CHD9: variants seen among roughly 807,000 people sequenced by gnomAD.
CHD9 encodes ATP-dependent chromatin remodeler CHD9.
CHD9 carries 77 observed loss-of-function variants against 316.1 expected under a neutral mutation model. The ratio of observed to expected loss-of-function variants is 0.24; its 90% CI spans 0.20 to 0.29. The LOEUF (loss-of-function observed/expected upper bound fraction) is 0.29, where lower values mean the gene tolerates loss of function less well. CHD9 is among the 10% of genes least tolerant of loss of function. The pLI is 1.00. For missense variants in CHD9, 2,763 were observed against 3,438.1 expected (o/e 0.80, Z 4.91); for synonymous variants, 1,129 against 1,158.3 (o/e 0.97, Z 0.51).
chr16:53,067,638 A>G (rs937897663), intron 1 of CHD9, among the ~76,000 whole-genome samples: 1 of 152,102 alleles, frequency 6.6e-6, no homozygotes, highest in Non-Finnish European at 1.5e-5. Flanking sequence ...TATTTTTCTC[A>G]TGATTAGGGT....
intron 12 of CHD9, among the ~76,000 whole-genome samples, chr16:53,242,062 A>C (rs1343273528): frequency 6.6e-6 from 1 of 152,132 alleles, no homozygotes; most frequent in Non-Finnish European, 1.5e-5. Context: ...ACTTACTACT[A>C]CTTTTACCAA....
At chr16:53,236,726 T>C (rs988519040) in intron 11 of CHD9, among the ~76,000 whole-genome samples, 1 of 151,268 alleles carries the variant, frequency 6.6e-6, no homozygotes, top group Admixed American at 6.6e-5. Flanking sequence ...TGCTCTCTGC[T>C]TCATTGGTTA....
intron 29 of CHD9, among the ~76,000 whole-genome samples, chr16:53,293,320 AAAAT>A (rs936270296): frequency 3.3e-5 from 5 of 152,342 alleles, no homozygotes; most frequent in East Asian, 1.9e-4. Flanking sequence ...GGTATTTAAA[AAAAT>A]AAATAAATAA....
chr16:53,062,971 G>C (rs377382927), intron 1 of CHD9, among the ~76,000 whole-genome samples: 3 of 152,086 alleles, frequency 2.0e-5, no homozygotes, highest in East Asian at 3.9e-4. Flanking sequence ...GGTGAGCCAA[G>C]ATCGCGCCAT....
intron 2 of CHD9, among the ~76,000 whole-genome samples, chr16:53,184,870 G>T (rs537669411): frequency 6.6e-6 from 1 of 152,114 alleles, no homozygotes; most frequent in Admixed American, 6.6e-5. Flanking sequence ...TTTTATAAGG[G>T]GCTTCCCCCT....
chr16:53,175,441 A>G (rs938794172), intron 2 of CHD9, among the ~76,000 whole-genome samples: 1 of 152,184 alleles, frequency 6.6e-6, no homozygotes, highest in African/African-American at 2.4e-5. Context: ...CTGATGTACA[A>G]TATCTAAAAA....
Position 53,156,931 on chromosome 16 carries a change from T to C in CHD9, c.842T>C (p.Ile281Thr). Residue 281 changes from isoleucine to threonine, a missense_variant, in exon 2 of 39, where the codon ATA becomes ACA. By Grantham distance (89) the Ile-to-Thr change is moderately conservative. Transcript: ENST00000447540. ...CATTATTCCTTTTCCAGTAATCATA[T>C]ATCACCAAACAGTCTACTTCAGTCC... is the stretch of plus-strand genomic sequence containing the variant. ...SSHYSFSSNHISPNSLLQSSA... is the reference protein window; with the variant it reads ...SSHYSFSSNHTSPNSLLQSSA... 6.2e-7 allele frequency: 1 copy of C among 1,613,670 alleles called. No individual in the cohort carries two copies. The highest frequency in any genetic ancestry group is 1.3e-5 in the African/African-American group (1 of 75,046).
At chr16:53,142,520 T>C (rs769417457) in intron 1 of CHD9, among the ~76,000 whole-genome samples, 2 of 152,230 alleles carry the variant, frequency 1.3e-5, no homozygotes, top group South Asian at 2.1e-4. Flanking sequence ...TTGCCCAGGC[T>C]GATCTCCAGC....
At chr16:53,235,875 T>C (rs2048574902) in intron 11 of CHD9, among the ~76,000 whole-genome samples, 1 of 152,212 alleles carries the variant, frequency 6.6e-6, no homozygotes, top group Non-Finnish European at 1.5e-5. Context: ...AAAAAAATGT[T>C]ACTGCGATTG....
At chr16:53,242,794 T>C (rs767843632) in intron 12 of CHD9, 46 bp from the exon 13 acceptor site, 2 of 1,519,890 alleles carry the variant, frequency 1.3e-6, no homozygotes, top group Non-Finnish European at 1.8e-6. Context: ...ATAAAAAATA[T>C]GCAATTAAAA....
At chr16:53,212,823 C>T (rs1315892668) in intron 3 of CHD9, among the ~76,000 whole-genome samples, 1 of 152,104 alleles carries the variant, frequency 6.6e-6, no homozygotes, top group Non-Finnish European at 1.5e-5. Flanking sequence ...TTAGGTTCCT[C>T]CTCTGTAAAA....
At chr16:53,128,325 G>A (rs2039066822) in intron 1 of CHD9, among the ~76,000 whole-genome samples, 1 of 152,192 alleles carries the variant, frequency 6.6e-6, no homozygotes, top group East Asian at 1.9e-4. Flanking sequence ...TGGGATTACA[G>A]GCATGCGCCA....
intron 31 of CHD9, among the ~76,000 whole-genome samples, chr16:53,304,929 G>C (rs1019989546): frequency 6.6e-6 from 1 of 151,594 alleles, no homozygotes; most frequent in East Asian, 1.9e-4. Flanking sequence ...CCCGACCTCA[G>C]GTGATCTACC....
intron 1 of CHD9, among the ~76,000 whole-genome samples, chr16:53,099,874 G>T (rs1050909863): frequency 1.3e-5 from 2 of 152,262 alleles, no homozygotes; most frequent in Non-Finnish European, 2.9e-5. Flanking sequence ...GCAGCGGGAG[G>T]GGGTGCTCCC....
At position 53,324,226 on chromosome 16, in the gene CHD9, A is replaced by G. The variant is rs1317423776; in HGVS notation, c.8025A>G (p.Leu2675=). The G allele has an allele frequency of 6.2e-7, 1 of 1,608,070 alleles. No homozygotes were observed. The highest frequency in any genetic ancestry group is 1.4e-5 in the African/African-American group (1 of 73,236). ...PGVDLTTLQA[L]QQNLQNLQSL... ...TGGATCTCACAACTCTTCAGGCCTT[A>G]CAACAAAACCTACAAAACTTGCAGT... Residue 2675 remains leucine, a synonymous_variant, in exon 39 of 39, where the codon TTA becomes TTG. Coordinates refer to ENST00000447540, the MANE Select transcript of CHD9 (RefSeq NM_001308319.2).
intron 1 of CHD9, among the ~76,000 whole-genome samples, chr16:53,132,666 TAAC>T (rs1458599728): frequency 1.3e-5 from 2 of 152,200 alleles, no homozygotes; most frequent in East Asian, 3.8e-4. Context: ...TGCTGTGTTG[TAAC>T]AACAGGCCAC....
At chr16:53,251,270 ATTGTTTGCC>A (rs1287003720) in intron 17 of CHD9, among the ~76,000 whole-genome samples, 1 of 152,206 alleles carries the variant, frequency 6.6e-6, no homozygotes, top group Non-Finnish European at 1.5e-5. Context: ...CCAAATCATA[ATTGTTTGCC>A]TTTGAAATGC....
chr16:53,149,165 G>A (rs1304465813), intron 1 of CHD9, among the ~76,000 whole-genome samples: 1 of 152,108 alleles, frequency 6.6e-6, no homozygotes, highest in Admixed American at 6.6e-5. Context: ...GAATTGTTTT[G>A]TGGCCTACCA....
At chr16:53,205,732 T>C (rs1299313933) in intron 2 of CHD9, among the ~76,000 whole-genome samples, 1 of 152,174 alleles carries the variant, frequency 6.6e-6, no homozygotes, top group African/African-American at 2.4e-5. Context: ...GTTTTGGAAA[T>C]CCTCTTAGGT....
Sources: gnomAD v4.1 joint callset for allele counts (sites outside exome capture counted in the v4.1 genomes callset) on GRCh38, gnomAD v4.1.1 for gene constraint, MANE v1.5 for transcripts, NCBI Gene and HGNC (gene_info 2026-07-23, HGNC 2026-07-21) for gene names.